Variants in PTPRR observed in about 807,000 individuals in gnomAD.
PTPRR encodes receptor-type tyrosine-protein phosphatase R.
Under a neutral mutation model 77.2 loss-of-function variants are expected in PTPRR, and 38 were observed. The ratio of observed to expected loss-of-function variants is 0.49; its 90% CI spans 0.38 to 0.65. PTPRR has a LOEUF of 0.65. PTPRR is among the 30% of genes least tolerant of loss of function. PTPRR has a pLI of 0.00. For missense variants in PTPRR, 744 were observed against 799.2 expected (o/e 0.93, Z 0.83); for synonymous variants, 299 against 283.1 (o/e 1.06, Z -0.57).
intron 3 of PTPRR, among the ~76,000 whole-genome samples, chr12:70,763,360 T>C (rs1890737385): frequency 6.6e-6 from 1 of 152,134 alleles, no homozygotes; most frequent in Admixed American, 6.5e-5. Context: ...CTCAAACTCC[T>C]GACCTCCAGT....
intron 2 of PTPRR, among the ~76,000 whole-genome samples, chr12:70,883,761 G>T (rs1256709419): frequency 6.6e-6 from 1 of 152,144 alleles, no homozygotes; most frequent in East Asian, 1.9e-4. Flanking sequence ...AAAATGAAAG[G>T]ATTAGTTAGG....
At chr12:70,688,351 A>G in intron 8 of PTPRR, among the ~76,000 whole-genome samples, 1 of 152,212 alleles carries the variant, frequency 6.6e-6, no homozygotes, top group East Asian at 1.9e-4. Context: ...AAACTACTCA[A>G]TAACAAGAAA....
intron 8 of PTPRR, among the ~76,000 whole-genome samples, chr12:70,690,806 C>T (rs949895853): frequency 1.6e-4 from 25 of 152,172 alleles, no homozygotes; most frequent in African/African-American, 6.0e-4. Flanking sequence ...TCTTTGTGGA[C>T]TAAAGTGTTA....
intron 2 of PTPRR, among the ~76,000 whole-genome samples, chr12:70,840,644 G>A (rs562765621): frequency 1.1e-4 from 17 of 152,022 alleles, no homozygotes; most frequent in Non-Finnish European, 2.4e-4. Flanking sequence ...TGAACAACTG[G>A]GAATAAAAGC....
intron 10 of PTPRR, among the ~76,000 whole-genome samples, chr12:70,667,409 G>A (rs1887050911): frequency 6.6e-6 from 1 of 152,126 alleles, no homozygotes; most frequent in Admixed American, 6.5e-5. Context: ...AATTTTGTTT[G>A]GGCGCAGTCA....
chr12:70,865,553 T>C (rs1030213659), intron 2 of PTPRR, among the ~76,000 whole-genome samples: 6 of 152,058 alleles, frequency 3.9e-5, no homozygotes, highest in Admixed American at 3.3e-4. Flanking sequence ...AAAAAAGAAA[T>C]ATCCAAAGGG....
chr12:70,856,272 G>A (rs1355205435), intron 2 of PTPRR, among the ~76,000 whole-genome samples: 1 of 152,086 alleles, frequency 6.6e-6, no homozygotes, highest in Non-Finnish European at 1.5e-5. Flanking sequence ...CCAACTACAG[G>A]ACAATGGTAC....
chr12:70,853,209 C>A (rs928240190), intron 2 of PTPRR, among the ~76,000 whole-genome samples: 2 of 152,168 alleles, frequency 1.3e-5, no homozygotes, highest in Admixed American at 1.3e-4. Context: ...TATATTAATT[C>A]TCTCCATCCT....
At chr12:70,869,884 T>A (rs1345652332) in intron 2 of PTPRR, among the ~76,000 whole-genome samples, 2 of 152,192 alleles carry the variant, frequency 1.3e-5, no homozygotes, top group African/African-American at 4.8e-5. Context: ...AACTATAAGA[T>A]AATAAATTTG....
At chr12:70,896,469 C>T (rs1430616556) in intron 1 of PTPRR, among the ~76,000 whole-genome samples, 1 of 151,528 alleles carries the variant, frequency 6.6e-6, no homozygotes, top group Admixed American at 6.6e-5. Context: ...CTAGACAGAT[C>T]ATATACTGGG....
At chr12:70,756,502 A>C (rs1302233589) in intron 4 of PTPRR, among the ~76,000 whole-genome samples, 1 of 152,190 alleles carries the variant, frequency 6.6e-6, no homozygotes. Flanking sequence ...GCATAGGGTT[A>C]ACCCCATGCT....
chr12:70,846,195 T>C (rs1023895409), intron 2 of PTPRR, among the ~76,000 whole-genome samples: 10 of 152,096 alleles, frequency 6.6e-5, no homozygotes, highest in Non-Finnish European at 1.3e-4. Flanking sequence ...TGGAAAGAAA[T>C]GAGCAAAGAA....
At chr12:70,739,731 G>A (rs146506972) in intron 6 of PTPRR, among the ~76,000 whole-genome samples, 2 of 152,302 alleles carry the variant, frequency 1.3e-5, no homozygotes, top group African/African-American at 2.4e-5. Context: ...ATTTATAGGT[G>A]TTATACATCA....
At chr12:70,858,374 T>C (rs1280370089) in intron 2 of PTPRR, among the ~76,000 whole-genome samples, 1 of 151,980 alleles carries the variant, frequency 6.6e-6, no homozygotes, top group Non-Finnish European at 1.5e-5. Context: ...GATGCAGAAG[T>C]TTTAAATTGT....
chr12:70,835,429 A>G (rs903328522), intron 2 of PTPRR, among the ~76,000 whole-genome samples: 9 of 152,120 alleles, frequency 5.9e-5, no homozygotes, highest in African/African-American at 2.4e-5. Flanking sequence ...TGTGTACTCT[A>G]TGTTCCATTT....
At chr12:70,864,976 T>G (rs1892817143) in intron 2 of PTPRR, among the ~76,000 whole-genome samples, 1 of 150,562 alleles carries the variant, frequency 6.6e-6, no homozygotes, top group African/African-American at 2.5e-5. Context: ...CACACCTGGC[T>G]AATTTTTTTT....
At chr12:70,641,081 T>C (rs535506399) in intron 13 of PTPRR, among the ~76,000 whole-genome samples, 1 of 152,316 alleles carries the variant, frequency 6.6e-6, no homozygotes, top group Admixed American at 6.5e-5. Context: ...TTCTTAGCTG[T>C]GTGATGACAT....
chr12:70,730,802 GGAGA>G (rs140932520), intron 6 of PTPRR, among the ~76,000 whole-genome samples: 4 of 150,632 alleles, frequency 2.7e-5, no homozygotes, highest in East Asian at 3.9e-4. Flanking sequence ...CCAGCTTGGG[GGAGA>G]GAGAGAGAGA....
At chr12:70,661,790 G>C (rs548026746) in intron 11 of PTPRR, among the ~76,000 whole-genome samples, 29 of 152,234 alleles carry the variant, frequency 1.9e-4, no homozygotes, top group Middle Eastern at 3.4e-3. Flanking sequence ...TTTGGTAAAC[G>C]CCTTCCTATT....
Sources: allele counts gnomAD v4.1 joint callset (sites outside exome capture counted in the v4.1 genomes callset), GRCh38; gene constraint gnomAD v4.1.1; transcripts MANE v1.5; gene names NCBI Gene and HGNC (gene_info 2026-07-23, HGNC 2026-07-21).